Variants in RAB2A observed in about 807,000 individuals in gnomAD.
RAB2A encodes the protein RAB2A, member RAS oncogene family.
In RAB2A, 7 loss-of-function variants were observed where a neutral mutation model predicts 32.5. That is an observed-to-expected ratio of 0.22 (90% CI 0.12 to 0.40). The LOEUF is 0.40. Among genes scored for constraint, RAB2A ranks in the 10% least tolerant of loss-of-function variants. The pLI is 1.00. For missense variants in RAB2A, 108 were observed against 260.7 expected (o/e 0.41, Z 4.03); for synonymous variants, 79 against 85.2 (o/e 0.93, Z 0.40).
intron 6 of RAB2A, among the ~76,000 whole-genome samples, chr8:60,599,632 T>G (rs1804096700): frequency 6.6e-6 from 1 of 152,106 alleles, no homozygotes; most frequent in Non-Finnish European, 1.5e-5. Context: ...CGTACAAATA[T>G]GCACAACTAA....
chr8:60,569,952 C>A (rs1490170876), intron 2 of RAB2A: 1 of 456,134 alleles, frequency 2.2e-6, no homozygotes, highest in Admixed American at 2.3e-5. Context: ...TGGAATTGGG[C>A]AGGAACAAAG....
chr8:60,604,169 G>A (rs754369487), intron 6 of RAB2A, among the ~76,000 whole-genome samples: 10 of 152,132 alleles, frequency 6.6e-5, no homozygotes, highest in Non-Finnish European at 1.2e-4. Flanking sequence ...CTGTGGTCAC[G>A]TGAAGTGCCT....
intron 6 of RAB2A, among the ~76,000 whole-genome samples, chr8:60,593,392 A>G (rs545083079): frequency 1.3e-4 from 20 of 152,348 alleles, no homozygotes; most frequent in Admixed American, 2.6e-4. Context: ...GGCAACCTAG[A>G]AAGGTCAACA....
At chr8:60,519,258 T>C (rs1436152126) in intron 1 of RAB2A, among the ~76,000 whole-genome samples, 1 of 152,234 alleles carries the variant, frequency 6.6e-6, no homozygotes, top group Non-Finnish European at 1.5e-5. Flanking sequence ...TCCTGTTTGC[T>C]CACAATTTTT....
intron 3 of RAB2A, among the ~76,000 whole-genome samples, chr8:60,576,470 T>A (rs1334570258): frequency 6.6e-6 from 1 of 152,232 alleles, no homozygotes; most frequent in Non-Finnish European, 1.5e-5. Context: ...GATGTTTTAG[T>A]TAAGTTCATT....
chr8:60,559,838 G>T (rs1181418294), intron 2 of RAB2A, among the ~76,000 whole-genome samples: 1 of 152,116 alleles, frequency 6.6e-6, no homozygotes, highest in Admixed American at 6.6e-5. Context: ...ACTATTTATA[G>T]CATGTTGATC....
intron 3 of RAB2A, among the ~76,000 whole-genome samples, chr8:60,581,125 A>G (rs771742042): frequency 4.5e-4 from 69 of 152,250 alleles, no homozygotes; most frequent in Admixed American, 9.2e-4. Context: ...TTTCGATCCC[A>G]TAACAGAGAC....
chr8:60,526,462 T>C (rs1010448200), intron 1 of RAB2A, among the ~76,000 whole-genome samples: 2 of 152,156 alleles, frequency 1.3e-5, no homozygotes, highest in African/African-American at 4.8e-5. Flanking sequence ...TTTTCCACTT[T>C]TAAGGACTCA....
At chr8:60,568,689 G>A (rs1294330877) in intron 2 of RAB2A, among the ~76,000 whole-genome samples, 1 of 152,172 alleles carries the variant, frequency 6.6e-6, no homozygotes, top group Non-Finnish European at 1.5e-5. Context: ...CCTATTCAGA[G>A]TATTTGATTG....
chr8:60,563,801 C>G (rs1267971215), intron 2 of RAB2A, among the ~76,000 whole-genome samples: 1 of 152,126 alleles, frequency 6.6e-6, no homozygotes. Context: ...TATCTTTTCA[C>G]TCTCATCTCT....
intron 6 of RAB2A, among the ~76,000 whole-genome samples, chr8:60,605,852 T>TATATATATATAAAA (rs777621349): frequency 1.4e-5 from 2 of 144,746 alleles, no homozygotes; most frequent in African/African-American, 2.7e-5. Context: ...TATATATATA[T>TATATATATATAAAA]AATGCTTCAT....
chr8:60,588,122 T>A (rs1198061966), intron 5 of RAB2A, among the ~76,000 whole-genome samples: 1 of 152,058 alleles, frequency 6.6e-6, no homozygotes, highest in Non-Finnish European at 1.5e-5. Context: ...AAATAAGAAA[T>A]TTTTTAAAAA....
intron 1 of RAB2A, among the ~76,000 whole-genome samples, chr8:60,529,004 A>T (rs1449056174): frequency 6.6e-6 from 1 of 152,224 alleles, no homozygotes; most frequent in Non-Finnish European, 1.5e-5. Flanking sequence ...CAAGTAAAAC[A>T]GTGTAACAGA....
intron 3 of RAB2A, among the ~76,000 whole-genome samples, chr8:60,576,483 T>C (rs1297379536): frequency 7.9e-5 from 12 of 152,244 alleles, no homozygotes; most frequent in Admixed American, 2.6e-4. Flanking sequence ...AGTTCATTTA[T>C]CCACTCAGCT....
At chr8:60,527,976 G>A (rs1807418789) in intron 1 of RAB2A, among the ~76,000 whole-genome samples, 1 of 152,164 alleles carries the variant, frequency 6.6e-6, no homozygotes, top group Non-Finnish European at 1.5e-5. Flanking sequence ...TATACAGCTA[G>A]TAACTGACCA....
At chr8:60,604,239 GCAGATAC>G (rs1804186853) in intron 6 of RAB2A, among the ~76,000 whole-genome samples, 2 of 152,288 alleles carry the variant, frequency 1.3e-5, no homozygotes, top group South Asian at 4.1e-4. Flanking sequence ...CAGAAGCTGA[GCAGATAC>G]CACTATCATG....
chr8:60,587,221 A>G (rs1288334965), intron 5 of RAB2A, among the ~76,000 whole-genome samples: 3 of 152,180 alleles, frequency 2.0e-5, no homozygotes, highest in Admixed American at 6.5e-5. Flanking sequence ...TATATATATG[A>G]TATATTAATT....
chr8:60,600,538 C>CAGT (rs2150432483), intron 6 of RAB2A, among the ~76,000 whole-genome samples: 1 of 152,322 alleles, frequency 6.6e-6, no homozygotes, highest in African/African-American at 2.4e-5. Context: ...TACATCCTAG[C>CAGT]TGTTGCACCC....
At chr8:60,590,820 T>C (rs1803930580) in intron 5 of RAB2A, among the ~76,000 whole-genome samples, 1 of 151,484 alleles carries the variant, frequency 6.6e-6, no homozygotes, top group Admixed American at 6.6e-5. Context: ...CATCTGAATT[T>C]TTAAAGACAT....
Sources: gnomAD v4.1 joint callset for allele counts (sites outside exome capture counted in the v4.1 genomes callset) on GRCh38, gnomAD v4.1.1 for gene constraint, MANE v1.5 for transcripts, NCBI Gene and HGNC (gene_info 2026-07-23, HGNC 2026-07-21) for gene names.